Variants in NDUFS6 observed in about 807,000 individuals in gnomAD.
NDUFS6 encodes the protein NADH dehydrogenase [ubiquinone] iron-sulfur protein 6, mitochondrial.
In NDUFS6, 14 loss-of-function variants were observed where a neutral mutation model predicts 13.2. The ratio of observed to expected loss-of-function variants is 1.06; its 90% CI spans 0.70 to 1.66. NDUFS6 has a LOEUF of 1.66. Among genes scored for constraint, NDUFS6 ranks in the 40% most tolerant of loss-of-function variants. NDUFS6 has a pLI of 0.00. For missense variants in NDUFS6, 206 were observed against 170.8 expected, an observed-to-expected ratio of 1.21 and a Z score of -1.15; for synonymous variants, 95 against 72.3, an observed-to-expected ratio of 1.31 and a Z score of -1.60.
In NDUFS6 at chr5:1,815,899, A is replaced by G. The variant is rs984161121; in HGVS notation, c.358A>G (p.Arg120Gly). The change falls in exon 4 of 4, where the codon AGA becomes GGA. Residue 120 changes from arginine (R) to glycine (G), a missense_variant. Arg to Gly is a moderately radical substitution (Grantham distance 125). Transcript: ENST00000274137. ...GTCGYCGLQF[R>G]QHHH ...ATGCGGTTACTGTGGGCTCCAGTTC[A>G]GACAGCACCACCACTAGAGCGTGTG... 3.7e-6 allele frequency: 6 copies of G among 1,614,156 alleles called. No individual in the cohort carries two copies. The highest frequency in any genetic ancestry group is 1.6e-4 in the Middle Eastern group (1 of 6,084).
rs145754128 is a variant in NDUFS6 at position 1,801,821 on chromosome 5, T to C, written c.132+272T>C. 9.2e-3 allele frequency among the ~76,000 whole-genome samples: 1,395 copies of C among 152,378 alleles called. 11 individuals are homozygous for C. Among genetic ancestry groups the C allele is most frequent in the Middle Eastern group, 0.017 (5 of 294 alleles). Reference sequence around the variant, plus strand: ...GCACTTGCTGTGGACTGGCTGCCCATAGGCGATTTGTGGCAGCCGATTATT... The same window carrying C: ...GCACTTGCTGTGGACTGGCTGCCCACAGGCGATTTGTGGCAGCCGATTATT... On this transcript the variant is annotated intron_variant, in intron 1 of 3. Coordinates refer to ENST00000274137, the MANE Select transcript of NDUFS6 (RefSeq NM_004553.6).
Position 1,814,204 on chromosome 5 carries a change from A to G in NDUFS6, c.187-135A>G, listed in dbSNP as rs1165231178. 8 of 1,299,326 alleles carry G rather than the reference A, an allele frequency of 6.2e-6. No homozygotes were observed. Among genetic ancestry groups the G allele is most frequent in the Non-Finnish European group, 7.7e-6 (7 of 906,786 alleles). 80.5% of individuals were successfully genotyped at this position (1,299,326 alleles called of 1,614,324 possible). A position where few individuals can be genotyped will look rare whatever the true frequency, so the allele number is the denominator to read the frequency against. ...GTAGGCCCTGAATTTAATAAGGTCT[A>G]CAATGATAATAGTTAAATGAAGCAT... is the stretch of plus-strand genomic sequence containing the variant. On this transcript the variant is annotated intron_variant, in intron 2 of 3. Coordinates refer to ENST00000274137, the MANE Select transcript of NDUFS6 (RefSeq NM_004553.6). This position sits in a 1 kb window ranked among gnomAD's most constrained non-coding sequence, Gnocchi z 4.9.
At chr5:1,801,864 A>C (rs771985831) in intron 1 of NDUFS6, among the ~76,000 whole-genome samples, 1 of 152,218 alleles carries the variant, frequency 6.6e-6, no homozygotes, top group Non-Finnish European at 1.5e-5. Flanking sequence ...GAACGTTTAG[A>C]ATTTGTGTAA....
intron 2 of NDUFS6, among the ~76,000 whole-genome samples, chr5:1,807,981 C>A (rs998477463): frequency 2.0e-5 from 3 of 152,164 alleles, no homozygotes; most frequent in African/African-American, 7.2e-5. Context: ...AGGTGGGAGA[C>A]AGGACTGGGA....
chr5:1,807,180 G>T lies in NDUFS6; in HGVS notation c.186+4806G>T, dbSNP rs149324957. ...TGAGGTACTCAGAGGTACTGCGTGAGGTACTCAGAGGTACTGTGTGAACAC... is the reference window on the plus strand; with the variant it reads ...TGAGGTACTCAGAGGTACTGCGTGATGTACTCAGAGGTACTGTGTGAACAC... On this transcript the variant is annotated intron_variant, in intron 2 of 3. Transcript: ENST00000274137. 1.7e-3 allele frequency among the ~76,000 whole-genome samples: 260 copies of T among 152,036 alleles called. 1 individual carries two copies. The highest frequency in any genetic ancestry group is 5.5e-3 in the African/African-American group (226 of 41,276).
At chr5:1,802,452 A>G in intron 2 of NDUFS6, 78 bp downstream of exon 2, 7 of 1,199,744 alleles carry the variant, frequency 5.8e-6, no homozygotes, top group East Asian at 2.6e-5. Context: ...AAATTAATAT[A>G]TAAGATTTAA....
chr5:1,809,434 A>G (rs1400190363), intron 2 of NDUFS6, among the ~76,000 whole-genome samples: 3 of 151,840 alleles, frequency 2.0e-5, no homozygotes, highest in Non-Finnish European at 2.9e-5. Flanking sequence ...GGCCGTGTGA[A>G]CCCGGAGCCG....
intron 1 of NDUFS6, 153 bp from the exon 2 acceptor site, chr5:1,802,168 C>G (rs1473074364): frequency 1.5e-6 from 1 of 670,972 alleles, no homozygotes; most frequent in Non-Finnish European, 2.6e-6. Flanking sequence ...TAAAAATGCC[C>G]CTGATTACAC....
In NDUFS6 at chr5:1,807,274, C is replaced by A. The variant is rs144677275; in HGVS notation, c.186+4900C>A. Among the ~76,000 whole-genome samples, 91 of 151,262 alleles carry A rather than the reference C, an allele frequency of 6.0e-4. 1 individual carries two copies. The highest frequency in any genetic ancestry group is 2.1e-3 in the African/African-American group (85 of 41,140). On this transcript the variant is annotated intron_variant, in intron 2 of 3. Coordinates refer to ENST00000274137, the MANE Select transcript of NDUFS6 (RefSeq NM_004553.6). The stretch of plus-strand genomic sequence containing the variant: ...AGAGGTAGCAAGTAGTTGGTGGTTG[C>A]CGGGGGCGGGGGGTGAATTTGGAGT...
In NDUFS6 at chr5:1,814,698, C is replaced by A. The variant is rs538359207; in HGVS notation, c.309+237C>A. 155 of 731,794 alleles carry A rather than the reference C, an allele frequency of 2.1e-4. 3 individuals are homozygous for A. The South Asian group carries it at 2.2e-3, about 10-fold the overall frequency. 45.3% of individuals were successfully genotyped at this position (731,794 alleles called of 1,614,324 possible). A position where few individuals can be genotyped will look rare whatever the true frequency, so the allele number is the denominator to read the frequency against. On this transcript the variant is annotated intron_variant, in intron 3 of 3. Transcript: ENST00000274137. The surrounding 1 kb of genome is among the most constrained non-coding windows in gnomAD (Gnocchi z 4.9). ...GTGGTGGGCGGCATGTTTCTCTTCT[C>A]GGACGCCCAAGCGTCTTTCCTCTCT...
intron 2 of NDUFS6, among the ~76,000 whole-genome samples, chr5:1,803,348 G>A (rs1288118468): frequency 6.6e-6 from 1 of 152,222 alleles, no homozygotes; most frequent in South Asian, 2.1e-4. Context: ...AATGCCACTT[G>A]AGTGTTGGGT....
intron 2 of NDUFS6, among the ~76,000 whole-genome samples, chr5:1,808,655 G>A (rs1024594718): frequency 1.3e-5 from 2 of 152,184 alleles, no homozygotes; most frequent in African/African-American, 4.8e-5. Context: ...CCAAGGCACT[G>A]GCAAAATTAG....
chr5:1,812,855 C>T (rs1734240431), intron 2 of NDUFS6, among the ~76,000 whole-genome samples: 1 of 151,762 alleles, frequency 6.6e-6, no homozygotes. Flanking sequence ...GAGTTCGAGA[C>T]CAGCCTGACC....
chr5:1,815,779 T>C, intron 3 of NDUFS6, 72 bp from the exon 4 acceptor site: 1 of 1,471,554 alleles, frequency 6.8e-7, no homozygotes. Context: ...TATACATACA[T>C]TTTCAATGCT....
intron 2 of NDUFS6, among the ~76,000 whole-genome samples, chr5:1,813,651 A>G (rs1316126950): frequency 1.3e-5 from 2 of 152,178 alleles, no homozygotes; most frequent in Non-Finnish European, 2.9e-5. Context: ...TCAGCACACA[A>G]GCAGGACGTG....
intron 2 of NDUFS6, among the ~76,000 whole-genome samples, chr5:1,808,285 G>A (rs982256282): frequency 1.3e-5 from 2 of 152,210 alleles, no homozygotes; most frequent in Admixed American, 6.5e-5. Flanking sequence ...CAGAGCTTTT[G>A]TGTGGCTTCC....
rs762327278 is a variant in NDUFS6 at position 1,815,929 on chromosome 5, G to A, written c.*13G>A. On this transcript the variant is annotated 3_prime_UTR_variant, in exon 4 of 4. Transcript: ENST00000274137. ...GCACCACCACTAGAGCGTGTGGCAC[G>A]CCGGGGGTCCCGCAGCATCCTGTGA... 11 of 1,614,170 alleles carry A rather than the reference G, an allele frequency of 6.8e-6. No individual in the cohort carries two copies. The highest frequency in any genetic ancestry group is 3.3e-5 in the South Asian group (3 of 91,080).
chr5:1,807,784 G>A (rs1312838695), intron 2 of NDUFS6, among the ~76,000 whole-genome samples: 2 of 152,242 alleles, frequency 1.3e-5, no homozygotes, highest in Non-Finnish European at 2.9e-5. Context: ...TGGCTCTCGT[G>A]CGTGCACACA....
chr5:1,801,496 T>A lies in NDUFS6; in HGVS notation c.79T>A (p.Cys27Ser). 6.2e-7 allele frequency: 1 copy of A among 1,601,752 alleles called. No individual in the cohort carries two copies. The highest frequency in any genetic ancestry group is 8.5e-7 in the Non-Finnish European group (1 of 1,178,688). Reference protein sequence around the residue: ...AARSLPLGARCFGVRVSPTGE... With the variant: ...AARSLPLGARSFGVRVSPTGE... ...GCGGAGCCTGCCCCTGGGCGCCAGG[T>A]GTTTCGGGGTGCGGGTCTCGCCGAC... Residue 27 changes from cysteine to serine, a missense_variant, in exon 1 of 4, where the codon TGT becomes AGT. By Grantham distance (112) the Cys-to-Ser change is moderately radical. Coordinates refer to ENST00000274137, the MANE Select transcript of NDUFS6 (RefSeq NM_004553.6).
Sources: allele counts gnomAD v4.1 joint callset (sites outside exome capture counted in the v4.1 genomes callset), GRCh38; gene constraint gnomAD v4.1.1; non-coding constraint Gnocchi (gnomAD v3.1); transcripts MANE v1.5; gene names NCBI Gene and HGNC (gene_info 2026-07-23, HGNC 2026-07-21).